The following NACC1 variants were observed in gnomAD, a reference collection of about 807,000 sequenced individuals.
NACC1 encodes nucleus accumbens-associated protein 1.
A neutral mutation model predicts 41.7 loss-of-function variants in NACC1; 6 were observed. That is an observed-to-expected ratio of 0.14 (90% CI 0.08 to 0.28). NACC1 has a LOEUF of 0.28. NACC1 is among the 10% of genes least tolerant of loss of function. The pLI, the probability that NACC1 is intolerant of heterozygous loss-of-function variation, is 1.00. For missense variants in NACC1, 434 were observed against 763.7 expected, an observed-to-expected ratio of 0.57 and a Z score of 5.09; for synonymous variants, 338 against 330.6, an observed-to-expected ratio of 1.02 and a Z score of -0.24.
chr19:13,125,852 T>C (rs930109897), intron 1 of NACC1, among the ~76,000 whole-genome samples: 1 of 152,150 alleles, frequency 6.6e-6, no homozygotes, highest in African/African-American at 2.4e-5. Flanking sequence ...CAATTCTGCC[T>C]CAGCCTACCT....
intron 1 of NACC1, among the ~76,000 whole-genome samples, chr19:13,126,439 C>G (rs542750266): frequency 6.6e-6 from 1 of 152,162 alleles, no homozygotes; most frequent in African/African-American, 2.4e-5. Context: ...TAGCATCTGT[C>G]GACGGCCATG....
chr19:13,119,583 A>T (rs1296354190), intron 1 of NACC1, among the ~76,000 whole-genome samples: 1 of 152,128 alleles, frequency 6.6e-6, no homozygotes, highest in African/African-American at 2.4e-5. Flanking sequence ...ACCATCGTAT[A>T]TATTAGTACC....
At chr19:13,122,817 T>C (rs1406398182) in intron 1 of NACC1, among the ~76,000 whole-genome samples, 3 of 152,168 alleles carry the variant, frequency 2.0e-5, no homozygotes, top group African/African-American at 4.8e-5. Context: ...AGATGTCTTC[T>C]ACTCCCAGGG....
rs1446737173 is a variant in NACC1, at chr19:13,137,884, A to G, written c.1325-263A>G. Among the ~76,000 whole-genome samples the G allele has an allele frequency of 6.6e-6, 1 of 152,182 alleles. No individual in the cohort carries two copies. Among genetic ancestry groups the G allele is most frequent in the Non-Finnish European group, 1.5e-5 (1 of 68,038 alleles). ...TGGGGGGCATCTAGATTTTCAAGTG[A>G]CCACTCCCCGTTACTAAATTCTGGC... On this transcript the variant is annotated intron_variant, in intron 5 of 5. Coordinates refer to ENST00000292431, the MANE Select transcript of NACC1 (RefSeq NM_052876.4). The surrounding 1 kb of genome is among the most constrained non-coding windows in gnomAD (Gnocchi z 6.1).
chr19:13,135,703 G>C lies in NACC1; in HGVS notation c.496G>C (p.Val166Leu), dbSNP rs2019694156. The C allele has an allele frequency of 1.9e-6, 3 of 1,553,394 alleles. No homozygotes were observed. The African/African-American group carries it at 4.1e-5, about 21-fold the overall frequency. ...CSTPLPLVSR[V>L]KTEQQESDSV... ...CACCCCGCTGCCCCTCGTGTCGCGG[G>C]TGAAGACGGAGCAGCAGGAGTCGGA... Residue 166 changes from valine to leucine, a missense_variant, in exon 2 of 6, where the codon GTG becomes CTG. Val to Leu is a conservative substitution (Grantham distance 32). Coordinates refer to ENST00000292431, the MANE Select transcript of NACC1 (RefSeq NM_052876.4).
In NACC1 at chr19:13,135,414, G is replaced by A. The variant is rs149110290; in HGVS notation, c.207G>A (p.Leu69=). ...ACAGCCGCAGCGCCGTGGTGGAGCT[G>A]CCGGCGGCTGTGCAGCCCCAGTCTT... The part of the protein sequence containing the change: ...FNNSRSAVVE[L]PAAVQPQSFQ... Residue 69 remains leucine, a synonymous_variant, in exon 2 of 6, where the codon CTG becomes CTA. Coordinates refer to ENST00000292431, the MANE Select transcript of NACC1 (RefSeq NM_052876.4). 2,668 of 1,613,080 alleles carry A rather than the reference G, an allele frequency of 1.7e-3. 10 individuals are homozygous for A. Among genetic ancestry groups the A allele is most frequent in the Non-Finnish European group, 2.0e-3 (2,305 of 1,179,710 alleles).
rs970175863 is a variant in NACC1 at position 13,137,845 on chromosome 19, C to G, written c.1324+270C>G. Among the ~76,000 whole-genome samples, 1 of 152,200 alleles carries G rather than the reference C, an allele frequency of 6.6e-6. No homozygotes were observed. The highest frequency in any genetic ancestry group is 6.5e-5 in the Admixed American group (1 of 15,282). On this transcript the variant is annotated intron_variant, in intron 5 of 5. Transcript: ENST00000292431. This position sits in a 1 kb window ranked among gnomAD's most constrained non-coding sequence, Gnocchi z 6.1. Reference sequence around the variant, plus strand: ...GGAGGGATGAGGCAGCCAGACAGTGCTAGCCACTCGTCATGGGGGGCATCT... The same window carrying G: ...GGAGGGATGAGGCAGCCAGACAGTGGTAGCCACTCGTCATGGGGGGCATCT...
chr19:13,130,397 C>T (rs573002228), intron 1 of NACC1, among the ~76,000 whole-genome samples: 1 of 151,600 alleles, frequency 6.6e-6, no homozygotes, highest in East Asian at 2.0e-4. Context: ...TGTTCTTTAA[C>T]ACATTTACAA....
intron 1 of NACC1, among the ~76,000 whole-genome samples, chr19:13,126,863 G>A (rs1244626288): frequency 7.2e-6 from 1 of 139,784 alleles, no homozygotes; most frequent in African/African-American, 2.7e-5. Context: ...ACCTGGCCAG[G>A]TCCTAGGGGT....
Position 13,136,534 on chromosome 19 carries a change from AGCCACCCTAAGG to A in NACC1, c.1120+131_1120+142del. 1 of 1,111,620 alleles carries A rather than the reference AGCCACCCTAAGG, an allele frequency of 9.0e-7. No homozygotes were observed. Among genetic ancestry groups the A allele is most frequent in the Non-Finnish European group, 1.2e-6 (1 of 802,464 alleles). The allele number at this position is 1,111,620 out of a possible 1,614,324, so 68.9% of individuals were successfully genotyped here. A position where few individuals can be genotyped will look rare whatever the true frequency, so the allele number is the denominator to read the frequency against. ...CTATCTGTGCTGTAGTGTTGGTAAC[AGCCACCCTAAGG>A]GTGGGGGCGTTGGTGAGATGGAGGA... On this transcript the variant is annotated intron_variant, in intron 3 of 5. Transcript: ENST00000292431. This position sits in a 1 kb window ranked among gnomAD's most constrained non-coding sequence, Gnocchi z 5.5.
rs779116546 is a variant in NACC1, at chr19:13,135,419, C to T, written c.212C>T (p.Ala71Val). ...NSRSAVVELP[A>V]AVQPQSFQQI... Reference sequence around the variant, plus strand: ...CGCAGCGCCGTGGTGGAGCTGCCGGCGGCTGTGCAGCCCCAGTCTTTCCAG... The same window carrying T: ...CGCAGCGCCGTGGTGGAGCTGCCGGTGGCTGTGCAGCCCCAGTCTTTCCAG... The change falls in exon 2 of 6, where the codon GCG becomes GTG. Residue 71 changes from alanine to valine, a missense_variant. By Grantham distance (64) the Ala-to-Val change is moderately conservative. Transcript: ENST00000292431. 4 of 1,612,886 alleles carry T rather than the reference C, an allele frequency of 2.5e-6. No homozygotes were observed. The highest frequency in any genetic ancestry group is 3.4e-6 in the Non-Finnish European group (4 of 1,179,578).
chr19:13,129,276 C>T (rs556176314), intron 1 of NACC1, among the ~76,000 whole-genome samples: 126 of 152,170 alleles, frequency 8.3e-4, no homozygotes, highest in Non-Finnish European at 1.5e-3. Context: ...TCCTCGACTC[C>T]ATCCCACCCC....
Position 13,135,345 on chromosome 19 carries a change from C to T in NACC1, c.138C>T (p.Ala46=), listed in dbSNP as rs757260339. Reference sequence around the variant, plus strand: ...GCCATGCCTTCAAGGCCCACCGGGCCGTGCTTGCTGCCAGCAGCTCCTACT... The same window carrying T: ...GCCATGCCTTCAAGGCCCACCGGGCTGTGCTTGCTGCCAGCAGCTCCTACT... ...VKGHAFKAHR[A]VLAASSSYFR... The change falls in exon 2 of 6, where the codon GCC becomes GCT. Residue 46 remains alanine (A), a synonymous_variant. Coordinates refer to ENST00000292431, the MANE Select transcript of NACC1 (RefSeq NM_052876.4). 1.3e-5 allele frequency: 21 copies of T among 1,613,690 alleles called. No homozygotes were observed. The highest frequency in any genetic ancestry group is 1.6e-5 in the Non-Finnish European group (19 of 1,180,038).
chr19:13,130,535 C>CTTTTTTTTTTTTTT (rs34032574), intron 1 of NACC1, among the ~76,000 whole-genome samples: 2 of 128,620 alleles, frequency 1.6e-5, no homozygotes, highest in Admixed American at 7.9e-5. Flanking sequence ...TTTTTCTTTT[C>CTTTTTTTTTTTTTT]TTTTTTTTTT....
chr19:13,138,697 A>G lies in NACC1; in HGVS notation c.*291A>G. 1 of 439,266 alleles carries G rather than the reference A, an allele frequency of 2.3e-6. No individual in the cohort carries two copies. The highest frequency in any genetic ancestry group is 4.3e-5 in the East Asian group (1 of 22,992). 27.2% of individuals were successfully genotyped at this position (439,266 alleles called of 1,614,324 possible). The stretch of plus-strand genomic sequence containing the variant: ...CCTAGCCGTCATCTCCACACTCACC[A>G]GGCCCACCAGGGGAGGGGGCTGGCC... On this transcript the variant is annotated 3_prime_UTR_variant, in exon 6 of 6. Coordinates refer to ENST00000292431, the MANE Select transcript of NACC1 (RefSeq NM_052876.4). This position sits in a 1 kb window ranked among gnomAD's most constrained non-coding sequence, Gnocchi z 5.7.
upstream of NACC1, chr19:13,117,563 C>CTTTTTTTT (rs34010451): frequency 5.9e-5 from 8 of 135,028 alleles, no homozygotes; most frequent in South Asian, 2.2e-4. Flanking sequence ...TTCTTTCTTT[C>CTTTTTTTT]TTTTTTTTTT....
intron 1 of NACC1, among the ~76,000 whole-genome samples, chr19:13,119,638 C>T (rs1056867196): frequency 1.3e-5 from 2 of 152,184 alleles, no homozygotes; most frequent in Admixed American, 1.3e-4. Context: ...TTCTGTGTGC[C>T]ATCTCCCTGG....
chr19:13,126,064 A>G (rs1392536905), intron 1 of NACC1, among the ~76,000 whole-genome samples: 1 of 141,610 alleles, frequency 7.1e-6, no homozygotes, highest in Non-Finnish European at 1.5e-5. Context: ...TTTTTTTTTT[A>G]GACGGAGTCT....
chr19:13,134,253 T>C (rs1158108074), intron 1 of NACC1, among the ~76,000 whole-genome samples: 1 of 151,864 alleles, frequency 6.6e-6, no homozygotes, highest in Non-Finnish European at 1.5e-5. Context: ...AGAGGCAGGG[T>C]TTCACCATGC....
Sources: gnomAD v4.1 joint callset for allele counts (sites outside exome capture counted in the v4.1 genomes callset) on GRCh38, gnomAD v4.1.1 for gene constraint, Gnocchi (gnomAD v3.1) non-coding constraint, MANE v1.5 for transcripts, NCBI Gene and HGNC (gene_info 2026-07-23, HGNC 2026-07-21) for gene names.